Variants in FNTA observed in about 807,000 individuals in gnomAD.
FNTA encodes the protein protein farnesyltransferase/geranylgeranyltransferase type-1 subunit alpha.
FNTA carries 27 observed loss-of-function variants against 55.2 expected under a neutral mutation model. The observed-to-expected ratio is 0.49, with a 90% CI of 0.36 to 0.67. The LOEUF is 0.67. FNTA is among the 30% of genes least tolerant of loss of function. The pLI is 0.00. For synonymous variants in FNTA, 176 were observed against 170.7 expected, an observed-to-expected ratio of 1.03 and a Z score of -0.24; for missense variants, 422 against 464.7, an observed-to-expected ratio of 0.91 and a Z score of 0.85.
At chr8:43,065,715 T>C (rs975360985) in intron 3 of FNTA, among the ~76,000 whole-genome samples, 7 of 151,472 alleles carry the variant, frequency 4.6e-5, no homozygotes, top group Non-Finnish European at 8.8e-5. Flanking sequence ...ACCAATTGGA[T>C]GCTGCATACC....
Position 43,069,660 on chromosome 8 carries a change from GT to G in FNTA, c.506+2del. On this transcript the variant is annotated splice_donor_variant, in intron 4 of 8. Transcript: ENST00000302279. LOFTEE classifies it high-confidence loss of function. ...AGCAGCCCAAAAACTATCAAGTTTG[GT>G]AAGTTTGGAGTCTAGCTGTGTCTCC... is the stretch of plus-strand genomic sequence containing the variant. 6.2e-7 allele frequency: 1 copy of G among 1,601,868 alleles called. No individual in the cohort carries two copies. Among genetic ancestry groups the G allele is most frequent in the Non-Finnish European group, 8.5e-7 (1 of 1,169,660 alleles).
At chr8:43,067,275 CCT>C (rs1203770817) in intron 3 of FNTA, among the ~76,000 whole-genome samples, 2 of 152,086 alleles carry the variant, frequency 1.3e-5, no homozygotes, top group South Asian at 2.1e-4. Flanking sequence ...ATACGTCATA[CCT>C]CTGATTTCTG....
chr8:43,072,427 T>C (rs946487693), intron 5 of FNTA, 120 bp downstream of exon 5: 23 of 611,092 alleles, frequency 3.8e-5, no homozygotes, highest in Non-Finnish European at 5.3e-5. Flanking sequence ...GCACCCAATA[T>C]ATAACTAAAA....
At position 43,060,913 on chromosome 8, in the gene FNTA, CAG is replaced by C. The variant is rs201444781; in HGVS notation, c.286+1741_286+1742del. ...ACGTTTTTACAACAGGATAAGGAGA[CAG>C]AGAGTTTAATCAAAAAATGGACAAA... On this transcript the variant is annotated intron_variant, in intron 2 of 8. Transcript: ENST00000302279. Among the ~76,000 whole-genome samples the C allele has an allele frequency of 4.3e-3, 650 of 152,124 alleles. 2 individuals carry two copies. The highest frequency in any genetic ancestry group is 0.013 in the African/African-American group (557 of 41,510).
intron 2 of FNTA, among the ~76,000 whole-genome samples, chr8:43,062,392 G>C (rs1586653534): frequency 6.6e-6 from 1 of 151,464 alleles, no homozygotes; most frequent in African/African-American, 2.4e-5. Context: ...AGCGATTCTC[G>C]TGCCTCAGCC....
chr8:43,069,857 T>A (rs1810747085), intron 4 of FNTA, among the ~76,000 whole-genome samples, 198 bp downstream of exon 4: 1 of 150,814 alleles, frequency 6.6e-6, no homozygotes, highest in South Asian at 2.2e-4. Flanking sequence ...TTGGCCAGGC[T>A]GGTCTCGAAC....
intron 5 of FNTA, 136 bp from the exon 6 acceptor site, chr8:43,077,080 G>T: frequency 2.0e-6 from 1 of 507,702 alleles, no homozygotes. Flanking sequence ...TTTACTTGCA[G>T]CTATCACTAC....
chr8:43,069,400 A>G (rs144019640), intron 3 of FNTA, among the ~76,000 whole-genome samples, 155 bp from the exon 4 acceptor site: 57 of 152,152 alleles, frequency 3.7e-4, no homozygotes, highest in Non-Finnish European at 7.4e-4. Context: ...GATTACAAGC[A>G]TGAGCCACCG....
chr8:43,069,526 C>G, intron 3 of FNTA, 29 bp from the exon 4 acceptor site: 2 of 1,383,666 alleles, frequency 1.4e-6, no homozygotes, highest in Non-Finnish European at 2.1e-6. Flanking sequence ...TGTAATAATG[C>G]GACTTTGGAT....
rs536712535 is a variant in FNTA, at chr8:43,069,056, C to G, written c.402-499C>G. On this transcript the variant is annotated intron_variant, in intron 3 of 8. Coordinates refer to ENST00000302279, the MANE Select transcript of FNTA (RefSeq NM_002027.3). ...AAAAGTGCTTCATTTCTTCCAGTCA[C>G]CAGATAGTCCACTCACAAGCACTTA... Among the ~76,000 whole-genome samples the G allele has an allele frequency of 4.6e-5, 7 of 152,060 alleles. No homozygotes were observed. In the East Asian group the frequency reaches 1.4e-3, roughly 30 times the overall value.
chr8:43,076,100 A>G (rs559379782), intron 5 of FNTA, among the ~76,000 whole-genome samples: 36 of 151,870 alleles, frequency 2.4e-4, no homozygotes, highest in African/African-American at 8.7e-4. Flanking sequence ...CTTGAGTGCA[A>G]TGGCACGATC....
At chr8:43,066,225 T>C (rs907467227) in intron 3 of FNTA, among the ~76,000 whole-genome samples, 1 of 150,636 alleles carries the variant, frequency 6.6e-6, no homozygotes, top group African/African-American at 2.5e-5. Context: ...CATTCATTTT[T>C]AATTTGGGGG....
At position 43,085,419 on chromosome 8, in the gene FNTA, G is replaced by C. The variant is rs904906550; in HGVS notation, c.*137G>C. On this transcript the variant is annotated 3_prime_UTR_variant, in exon 9 of 9. Coordinates refer to ENST00000302279, the MANE Select transcript of FNTA (RefSeq NM_002027.3). ...CAGGTATTGCTTTTTAACAAGAACTGATGCTCCTTGGGTGCTGCTGCTACT... is the reference window on the plus strand; with the variant it reads ...CAGGTATTGCTTTTTAACAAGAACTCATGCTCCTTGGGTGCTGCTGCTACT... The C allele has an allele frequency of 1.5e-5, 11 of 748,474 alleles. No homozygotes were observed. Among genetic ancestry groups the C allele is most frequent in the East Asian group, 2.8e-5 (1 of 35,168 alleles). 46.4% of individuals were successfully genotyped at this position (748,474 alleles called of 1,614,324 possible).
At chr8:43,077,012 T>C (rs759595349) in intron 5 of FNTA, 15 of 404,272 alleles carry the variant, frequency 3.7e-5, no homozygotes, top group Non-Finnish European at 5.2e-5. Context: ...TCCTGCTTTC[T>C]GTATGTGTCT....
chr8:43,062,684 A>T (rs1469561497), intron 2 of FNTA, among the ~76,000 whole-genome samples: 1 of 152,240 alleles, frequency 6.6e-6, no homozygotes, highest in Non-Finnish European at 1.5e-5. Context: ...TTTCAGTGTT[A>T]CAGGCTAAAA....
chr8:43,058,526 C>G (rs1489768066), intron 1 of FNTA, among the ~76,000 whole-genome samples: 1 of 152,144 alleles, frequency 6.6e-6, no homozygotes, highest in Non-Finnish European at 1.5e-5. Context: ...AATGCCAGCA[C>G]TTTGGGAGGC....
Position 43,072,163 on chromosome 8 carries a change from C to T in FNTA, c.507-18C>T, listed in dbSNP as rs372741894. ...GGGTAAATTAACAAAAAACTTCTCT[C>T]CCTTCTTTGGGCTTTAGGCATCATA... On this transcript the variant is annotated intron_variant, in intron 4 of 8. Transcript: ENST00000302279. The T allele has an allele frequency of 1.4e-6, 2 of 1,462,836 alleles. No homozygotes were observed. The highest frequency in any genetic ancestry group is 2.5e-5 in the Admixed American group (1 of 39,966). The allele number at this position is 1,462,836 out of a possible 1,614,324, so 90.6% of individuals were successfully genotyped here. A position where few individuals can be genotyped will look rare whatever the true frequency, so the allele number is the denominator to read the frequency against.
intron 1 of FNTA, among the ~76,000 whole-genome samples, chr8:43,058,779 AAAAAT>A (rs1415698404): frequency 6.6e-6 from 1 of 152,222 alleles, no homozygotes. Flanking sequence ...TCCGTCTCAA[AAAAAT>A]AAAATAAAAA....
rs1406806980 is a variant in FNTA, at chr8:43,056,421, G to A, written c.75G>A (p.Gln25=). The A allele has an allele frequency of 6.5e-7, 1 of 1,528,286 alleles. No individual in the cohort carries two copies. Among genetic ancestry groups the A allele is most frequent in the Admixed American group, 2.0e-5 (1 of 48,794 alleles). 94.7% of individuals were successfully genotyped at this position (1,528,286 alleles called of 1,614,324 possible). A position where few individuals can be genotyped will look rare whatever the true frequency, so the allele number is the denominator to read the frequency against. ...EPGQPAQPPP[Q]PHPPPPQQQH... ...GGCAGCCGGCGCAACCCCCGCCCCA[G>A]CCGCACCCACCGCCGCCCCAGCAGC... is the stretch of plus-strand genomic sequence containing the variant. Residue 25 remains glutamine, a synonymous_variant, in exon 1 of 9, where the codon CAG becomes CAA. Transcript: ENST00000302279.
Sources: allele counts gnomAD v4.1 joint callset (sites outside exome capture counted in the v4.1 genomes callset), GRCh38; gene constraint gnomAD v4.1.1; transcripts MANE v1.5; gene names NCBI Gene and HGNC (gene_info 2026-07-23, HGNC 2026-07-21).